The following PGCKA1 variants were observed in gnomAD, a reference collection of about 807,000 sequenced individuals.
The protein encoded by PGCKA1 is PDCD10 and GCKIII kinases-associated protein 1.
chr4:37,514,095 T>C, the PGCKA1 span, among the ~76,000 whole-genome samples: 2,422 of 152,304 alleles, frequency 0.016, 64 homozygotes, highest in African/African-American at 0.055. Flanking sequence ...TGGGAGCAGC[T>C]AAGTAGAACA....
chr4:37,533,430 A>G, the PGCKA1 span, among the ~76,000 whole-genome samples: 2 of 152,234 alleles, frequency 1.3e-5, no homozygotes, highest in Non-Finnish European at 2.9e-5. Flanking sequence ...ATATCGTTAT[A>G]TGATCATTTA....
At chr4:37,543,330 T>C in the PGCKA1 span, among the ~76,000 whole-genome samples, 2 of 152,210 alleles carry the variant, frequency 1.3e-5, no homozygotes, top group Non-Finnish European at 2.9e-5. Flanking sequence ...AGAGGAATTT[T>C]ATAACTGTGT....
chr4:37,530,291 G>T, the PGCKA1 span, among the ~76,000 whole-genome samples: 1 of 152,122 alleles, frequency 6.6e-6, no homozygotes, highest in African/African-American at 2.4e-5. Context: ...AGCAATGCCG[G>T]CTGGGCATGG....
the PGCKA1 span, among the ~76,000 whole-genome samples, chr4:37,576,399 G>C: frequency 6.6e-6 from 1 of 152,048 alleles, no homozygotes; most frequent in South Asian, 2.1e-4. Context: ...TTGGCATATA[G>C]AAATGCTACA....
the PGCKA1 span, among the ~76,000 whole-genome samples, chr4:37,515,716 A>G: frequency 8.5e-5 from 13 of 152,226 alleles, no homozygotes; most frequent in Non-Finnish European, 1.5e-5. Context: ...AATTGAGACA[A>G]TAGTAAAAAA....
chr4:37,584,647 C>T, the PGCKA1 span, among the ~76,000 whole-genome samples: 1 of 152,124 alleles, frequency 6.6e-6, no homozygotes, highest in Non-Finnish European at 1.5e-5. Context: ...TCTCAGCACT[C>T]ACTTCATTCG....
At chr4:37,534,631 T>TC in the PGCKA1 span, among the ~76,000 whole-genome samples, 1 of 152,194 alleles carries the variant, frequency 6.6e-6, no homozygotes, top group African/African-American at 2.4e-5. Context: ...ATGTCCAAGA[T>TC]CAAGGCATCA....
the PGCKA1 span, among the ~76,000 whole-genome samples, chr4:37,486,141 T>C: frequency 6.6e-6 from 1 of 152,254 alleles, no homozygotes; most frequent in African/African-American, 2.4e-5. Context: ...CCATTGCTCC[T>C]GAAATCTTAG....
At chr4:37,550,333 G>A in the PGCKA1 span, among the ~76,000 whole-genome samples, 1,253 of 151,702 alleles carry the variant, frequency 8.3e-3, 19 homozygotes, top group African/African-American at 0.029. Context: ...ATAGGGTGCA[G>A]TTCTCTAGAC....
At chr4:37,526,870 A>G in the PGCKA1 span, among the ~76,000 whole-genome samples, 1 of 152,208 alleles carries the variant, frequency 6.6e-6, no homozygotes, top group Non-Finnish European at 1.5e-5. Context: ...TATTTAAAAA[A>G]AAAGTTGATT....
At chr4:37,461,372 G>A in the PGCKA1 span, among the ~76,000 whole-genome samples, 2 of 152,014 alleles carry the variant, frequency 1.3e-5, no homozygotes, top group African/African-American at 4.8e-5. Context: ...ATGGTGGTTT[G>A]ATGGGAATAG....
At chr4:37,527,973 C>T in the PGCKA1 span, among the ~76,000 whole-genome samples, 2 of 152,182 alleles carry the variant, frequency 1.3e-5, no homozygotes, top group Non-Finnish European at 2.9e-5. Flanking sequence ...TTGGGTAGTA[C>T]GCTCTGTGAT....
the PGCKA1 span, among the ~76,000 whole-genome samples, chr4:37,587,013 G>T: frequency 0.066 from 10,075 of 152,212 alleles, 491 homozygotes; most frequent in East Asian, 0.26. Flanking sequence ...CCAGGGGTGG[G>T]TATCAGGGAT....
At chr4:37,551,991 G>A in the PGCKA1 span, among the ~76,000 whole-genome samples, 3 of 152,188 alleles carry the variant, frequency 2.0e-5, no homozygotes, top group African/African-American at 7.2e-5. Context: ...GGAAATGAGG[G>A]AAGAGATAAA....
chr4:37,489,966 A>G, the PGCKA1 span, among the ~76,000 whole-genome samples: 1 of 152,108 alleles, frequency 6.6e-6, no homozygotes, highest in Non-Finnish European at 1.5e-5. Context: ...GTCATGAGAA[A>G]TTGTCTCCTC....
the PGCKA1 span, among the ~76,000 whole-genome samples, chr4:37,566,354 C>T: frequency 6.6e-6 from 1 of 151,812 alleles, no homozygotes; most frequent in Non-Finnish European, 1.5e-5. Context: ...GATCTTGGCT[C>T]ACTGCCACCT....
chr4:37,527,282 T>C, the PGCKA1 span, among the ~76,000 whole-genome samples: 1 of 152,190 alleles, frequency 6.6e-6, no homozygotes. Context: ...GTTAATTTGC[T>C]ATCAAAGAAA....
the PGCKA1 span, among the ~76,000 whole-genome samples, chr4:37,505,402 T>C: frequency 2.0e-5 from 3 of 152,238 alleles, no homozygotes; most frequent in Admixed American, 2.0e-4. Context: ...TGATGTGTCT[T>C]TGTCTGGTTT....
chr4:37,511,568 A>G, the PGCKA1 span, among the ~76,000 whole-genome samples: 1 of 125,532 alleles, frequency 8.0e-6, no homozygotes, highest in Non-Finnish European at 1.7e-5. Flanking sequence ...CTGAGCTGCT[A>G]TCCAAGATGC....
Sources: allele counts gnomAD v4.1 joint callset (sites outside exome capture counted in the v4.1 genomes callset), GRCh38; gene constraint gnomAD v4.1.1; transcripts MANE v1.5; gene names NCBI Gene and HGNC (gene_info 2026-07-23, HGNC 2026-07-21).